The following SERF2 variants were observed in gnomAD, a reference collection of about 807,000 sequenced individuals.
SERF2 encodes small EDRK-rich factor 2.
SERF2 carries 4 observed loss-of-function variants against 10.7 expected under a neutral mutation model. The ratio of observed to expected loss-of-function variants is 0.37; its 90% CI spans 0.18 to 0.86. The LOEUF (loss-of-function observed/expected upper bound fraction) is 0.86. SERF2 is among the 40% of genes least tolerant of loss of function. SERF2 has a pLI of 0.43. For synonymous variants in SERF2, 26 were observed against 26.0 expected (o/e 1.00, Z 0.01); for missense variants, 47 against 79.1 (o/e 0.59, Z 1.54).
upstream of SERF2, chr15:43,792,137 CG>C: frequency 1.7e-6 from 1 of 579,310 alleles, no homozygotes; most frequent in Non-Finnish European, 3.1e-6. Flanking sequence ...ACGTCTCACT[CG>C]GGAAGCCCCG....
At chr15:43,785,918 C>T (rs1242930351) in intron 2 of SERF2, among the ~76,000 whole-genome samples, 2 of 151,612 alleles carry the variant, frequency 1.3e-5, no homozygotes, top group African/African-American at 4.8e-5. Flanking sequence ...GTTGGCCAGG[C>T]TGGTCTTGTA....
At chr15:43,778,452 G>GT (rs1396066398) in intron 1 of SERF2, among the ~76,000 whole-genome samples, 1 of 150,686 alleles carries the variant, frequency 6.6e-6, no homozygotes, top group Non-Finnish European at 1.5e-5. Flanking sequence ...GAAGCAGGAG[G>GT]ATCGCTTGAA....
intron 2 of SERF2, chr15:43,793,378 G>T: frequency 3.3e-6 from 2 of 597,768 alleles, no homozygotes; most frequent in Non-Finnish European, 5.8e-6. Flanking sequence ...GGTTACGGCA[G>T]CCCAGTACTT....
upstream of SERF2, among the ~76,000 whole-genome samples, chr15:43,788,185 A>AT (rs1350991687): frequency 6.8e-6 from 1 of 148,076 alleles, no homozygotes; most frequent in African/African-American, 2.5e-5. Flanking sequence ...TAATTTTTAA[A>AT]TTTTTTGTAG....
upstream of SERF2, among the ~76,000 whole-genome samples, chr15:43,787,817 C>A (rs1465674920): frequency 6.6e-6 from 1 of 151,676 alleles, no homozygotes; most frequent in Non-Finnish European, 1.5e-5. Context: ...TTCCACCTCA[C>A]ACCCTCGAGT....
At chr15:43,786,922 G>A (rs901014003) in intron 2 of SERF2, among the ~76,000 whole-genome samples, 2 of 151,922 alleles carry the variant, frequency 1.3e-5, no homozygotes, top group Non-Finnish European at 2.9e-5. Flanking sequence ...GCTAATTTAG[G>A]CCACATGCTC....
At position 43,794,640 on chromosome 15, in the gene SERF2, A is replaced by G; in HGVS notation, c.*867A>G. 4.7e-6 allele frequency: 1 copy of G among 211,958 alleles called. No individual in the cohort carries two copies. The highest frequency in any genetic ancestry group is 1.0e-4 in the East Asian group (1 of 9,838). The allele number at this position is 211,958 out of a possible 1,614,324, so 13.1% of individuals were successfully genotyped here. A position where few individuals can be genotyped will look rare whatever the true frequency, so the allele number is the denominator to read the frequency against. ...TGAACTCCTTATTTTCCTTTCTCCAAGGGCAGAGCCGAGTCTTCAGTCCCT... is the reference window on the plus strand; with the variant it reads ...TGAACTCCTTATTTTCCTTTCTCCAGGGGCAGAGCCGAGTCTTCAGTCCCT... On this transcript the variant is annotated 3_prime_UTR_variant, in exon 3 of 3. Transcript: ENST00000249786.
At chr15:43,792,518 C>T in intron 1 of SERF2, 135 bp downstream of exon 1, 1 of 1,542,208 alleles carries the variant, frequency 6.5e-7, no homozygotes, top group Middle Eastern at 1.7e-4. Context: ...GCCACCCTCA[C>T]ACTCGGTGCC....
At chr15:43,787,950 C>G (rs1264030299), upstream of SERF2, among the ~76,000 whole-genome samples, 5 of 150,140 alleles carry the variant, frequency 3.3e-5, no homozygotes, top group Non-Finnish European at 7.4e-5. Flanking sequence ...TCATGGCTCA[C>G]TGCAACCTCC....
chr15:43,795,333 T>C lies in SERF2; in HGVS notation c.*1560T>C, dbSNP rs952460023. The C allele has an allele frequency of 1.3e-5, 21 of 1,608,324 alleles. No individual in the cohort carries two copies. Among genetic ancestry groups the C allele is most frequent in the Middle Eastern group, 3.3e-4 (2 of 6,070 alleles). ...TGTCTGGAATGGCCTTGAATTGCTCTTTCCTTAAAATAGCTAGCTCTTCAG... is the reference window on the plus strand; with the variant it reads ...TGTCTGGAATGGCCTTGAATTGCTCCTTCCTTAAAATAGCTAGCTCTTCAG... On this transcript the variant is annotated 3_prime_UTR_variant, in exon 3 of 3. Coordinates refer to ENST00000249786, the MANE Select transcript of SERF2 (RefSeq NM_001018108.4).
intron 1 of SERF2, 172 bp from the exon 2 acceptor site, chr15:43,792,803 G>A (rs1202750659): frequency 4.4e-6 from 3 of 676,914 alleles, no homozygotes; most frequent in Admixed American, 5.9e-5. Context: ...CTGGCCCGTG[G>A]CAGATTCGCC....
At position 43,794,097 on chromosome 15, in the gene SERF2, G is replaced by T; in HGVS notation, c.*324G>T. 1.1e-6 allele frequency: 1 copy of T among 921,934 alleles called. No homozygotes were observed. The highest frequency in any genetic ancestry group is 1.6e-6 in the Non-Finnish European group (1 of 635,688). The allele number at this position is 921,934 out of a possible 1,614,324, so 57.1% of individuals were successfully genotyped here. A position where few individuals can be genotyped will look rare whatever the true frequency, so the allele number is the denominator to read the frequency against. On this transcript the variant is annotated 3_prime_UTR_variant, in exon 3 of 3. Coordinates refer to ENST00000249786, the MANE Select transcript of SERF2 (RefSeq NM_001018108.4). ...CTTGGGGGGATGGGGTTGGAAGAAT[G>T]ACTGCCCTTTCCCACCAAAAAAGGG... is the stretch of plus-strand genomic sequence containing the variant.
chr15:43,793,396 T>G, intron 2 of SERF2: 3 of 627,284 alleles, frequency 4.8e-6, no homozygotes, highest in Non-Finnish European at 8.1e-6. Flanking sequence ...CTTTTGGCCC[T>G]CCTTGCTGTT....
chr15:43,787,317 C>A (rs954418753), intron 2 of SERF2, among the ~76,000 whole-genome samples: 2 of 151,714 alleles, frequency 1.3e-5, no homozygotes, highest in East Asian at 1.9e-4. Context: ...GTTCTTAAAC[C>A]AATCAATATT....
upstream of SERF2, among the ~76,000 whole-genome samples, chr15:43,787,701 AT>A (rs769570867): frequency 4.8e-3 from 680 of 140,736 alleles, no homozygotes; most frequent in East Asian, 4.8e-3. Context: ...CCCAGCCAGA[AT>A]TTTTTTTTTT....
At position 43,795,025 on chromosome 15, in the gene SERF2, G is replaced by A. The variant is rs2087170840; in HGVS notation, c.*1252G>A. ...TTAGACTGGAGGATATTTGTTATCT[G>A]GGGATATGATGCGGTGGCGGCGGCG... On this transcript the variant is annotated 3_prime_UTR_variant, in exon 3 of 3. Transcript: ENST00000249786. The A allele has an allele frequency of 2.5e-6, 4 of 1,611,812 alleles. No individual in the cohort carries two copies. In the African/African-American group the frequency reaches 5.3e-5, roughly 22 times the overall value.
chr15:43,783,661 A>G (rs2141669375), intron 1 of SERF2, among the ~76,000 whole-genome samples: 1 of 151,822 alleles, frequency 6.6e-6, no homozygotes, highest in African/African-American at 2.4e-5. Flanking sequence ...GTGCAGTGAC[A>G]CAATCATAGC....
intron 1 of SERF2, among the ~76,000 whole-genome samples, chr15:43,780,332 C>T (rs111720857): frequency 6.6e-6 from 1 of 151,826 alleles, no homozygotes; most frequent in Non-Finnish European, 1.5e-5. Flanking sequence ...TTAGTAGAGA[C>T]GGGGTTTCGC....
At position 43,794,908 on chromosome 15, in the gene SERF2, GTGTCCT is replaced by G; in HGVS notation, c.*1138_*1143del. 1 of 944,404 alleles carries G rather than the reference GTGTCCT, an allele frequency of 1.1e-6. No individual in the cohort carries two copies. Among genetic ancestry groups the G allele is most frequent in the Non-Finnish European group, 1.6e-6 (1 of 621,002 alleles). The allele number at this position is 944,404 out of a possible 1,614,324, so 58.5% of individuals were successfully genotyped here. On this transcript the variant is annotated 3_prime_UTR_variant, in exon 3 of 3. Transcript: ENST00000249786. ...AGCCCAAACGGAGATAACTCCCTGTGTGTCCTTGAGGTATTGAGCTGGGCTGGACAG... is the reference window on the plus strand; with the variant it reads ...AGCCCAAACGGAGATAACTCCCTGTGTGAGGTATTGAGCTGGGCTGGACAG...
Sources: gnomAD v4.1 joint callset for allele counts (sites outside exome capture counted in the v4.1 genomes callset) on GRCh38, gnomAD v4.1.1 for gene constraint, MANE v1.5 for transcripts, NCBI Gene and HGNC (gene_info 2026-07-23, HGNC 2026-07-21) for gene names.